FAM204A: variants seen among roughly 807,000 people sequenced by gnomAD.
FAM204A encodes family with sequence similarity 204 member A.
FAM204A carries 16 observed loss-of-function variants against 35.4 expected under a neutral mutation model. The observed-to-expected ratio is 0.45, with a 90% CI of 0.31 to 0.69. The LOEUF is 0.69. FAM204A is among the 30% of genes least tolerant of loss of function. The probability of loss-of-function intolerance (pLI) is 0.07; values close to 1 mark genes in which losing one functional copy is unlikely to be tolerated. For missense variants in FAM204A, 240 were observed against 265.7 expected, an observed-to-expected ratio of 0.90 and a Z score of 0.67; for synonymous variants, 76 against 86.9, an observed-to-expected ratio of 0.88 and a Z score of 0.70.
intron 7 of FAM204A, among the ~76,000 whole-genome samples, chr10:118,321,561 C>CAATGAGA: frequency 6.6e-6 from 1 of 151,836 alleles, no homozygotes; most frequent in East Asian, 1.9e-4. Flanking sequence ...ATAAAAAGTA[C>CAATGAGA]AATGAGAAAA....
chr10:118,340,285 C>A (rs942203548), intron 2 of FAM204A, among the ~76,000 whole-genome samples: 1 of 151,972 alleles, frequency 6.6e-6, no homozygotes, highest in Non-Finnish European at 1.5e-5. Flanking sequence ...TAATAAAAAC[C>A]GTTCTAGATT....
chr10:118,331,624 T>C (rs1453086819), intron 6 of FAM204A, among the ~76,000 whole-genome samples: 1 of 152,122 alleles, frequency 6.6e-6, no homozygotes, highest in African/African-American at 2.4e-5. Flanking sequence ...TACCACAATA[T>C]ATTTATATGA....
chr10:118,337,337 T>C, intron 2 of FAM204A: 2 of 578,404 alleles, frequency 3.5e-6, no homozygotes, highest in Non-Finnish European at 4.4e-6. Context: ...CATGATTTAC[T>C]ATCAATATGA....
At chr10:118,338,406 C>T (rs753114487) in intron 2 of FAM204A, among the ~76,000 whole-genome samples, 27 of 152,202 alleles carry the variant, frequency 1.8e-4, no homozygotes, top group Non-Finnish European at 3.7e-4. Flanking sequence ...TATGACTTGG[C>T]CACCGCCATA....
rs1845847289 is a variant in FAM204A at position 118,305,029 on chromosome 10, G to C, written c.*5828C>G. 1 of 152,136 alleles carries C rather than the reference G, an allele frequency of 6.6e-6. No individual in the cohort carries two copies. Among genetic ancestry groups the C allele is most frequent in the South Asian group, 2.1e-4 (1 of 4,832 alleles). The allele number at this position is 152,136 out of a possible 1,614,324, so 9.4% of individuals were successfully genotyped here. A position where few individuals can be genotyped will look rare whatever the true frequency, so the allele number is the denominator to read the frequency against. ...GAGAACTAATGTGTTCCACTTCCAG[G>C]CCAGGCCCGTAACTTCCCGCCAGTG... On this transcript the variant is annotated 3_prime_UTR_variant, in exon 9 of 9. Transcript: ENST00000369183.
intron 7 of FAM204A, among the ~76,000 whole-genome samples, chr10:118,314,669 T>C (rs1483884062): frequency 6.6e-6 from 1 of 152,208 alleles, no homozygotes; most frequent in Admixed American, 6.5e-5. Flanking sequence ...AAAAGCTTGG[T>C]CAATGGTTTA....
intron 6 of FAM204A, 144 bp from the exon 7 acceptor site, chr10:118,326,387 T>G: frequency 1.5e-6 from 1 of 679,510 alleles, no homozygotes; most frequent in Non-Finnish European, 2.5e-6. Context: ...GCTGCTACCA[T>G]TCCCATTAGT....
intron 6 of FAM204A, among the ~76,000 whole-genome samples, chr10:118,334,610 T>C (rs1160851369): frequency 6.6e-6 from 1 of 152,220 alleles, no homozygotes; most frequent in Non-Finnish European, 1.5e-5. Context: ...CTCAACTGCA[T>C]TGTGAATAAA....
At chr10:118,331,768 A>C (rs1473625905) in intron 6 of FAM204A, among the ~76,000 whole-genome samples, 1 of 151,678 alleles carries the variant, frequency 6.6e-6, no homozygotes, top group Non-Finnish European at 1.5e-5. Context: ...TTCATAAAGA[A>C]AGGCAGTGGA....
At chr10:118,322,357 C>A in intron 7 of FAM204A, 1 of 456,272 alleles carries the variant, frequency 2.2e-6, no homozygotes, top group Non-Finnish European at 4.4e-6. Context: ...AGAGACAGCA[C>A]GAGTCTCTGG....
Position 118,302,677 on chromosome 10 carries a change from C to T in FAM204A, c.*8180G>A, listed in dbSNP as rs1010884708. The T allele has an allele frequency of 9.9e-5, 15 of 152,176 alleles. No individual in the cohort carries two copies. The highest frequency in any genetic ancestry group is 3.6e-4 in the African/African-American group (15 of 41,452). The allele number at this position is 152,176 out of a possible 1,614,324, so 9.4% of individuals were successfully genotyped here. A position where few individuals can be genotyped will look rare whatever the true frequency, so the allele number is the denominator to read the frequency against. On this transcript the variant is annotated 3_prime_UTR_variant, in exon 9 of 9. Transcript: ENST00000369183. ...TTGAGTTCTTTGACACGGAACCTTT[C>T]TTTTCCTTTTTTGGAAAATGGAAGT...
chr10:118,336,798 T>C (rs1441391618), intron 2 of FAM204A, among the ~76,000 whole-genome samples: 1 of 152,170 alleles, frequency 6.6e-6, no homozygotes, highest in East Asian at 1.9e-4. Flanking sequence ...TTGCAAGCAA[T>C]TTAGGATTAA....
Position 118,300,480 on chromosome 10 carries a change from C to A in FAM204A, c.*10377G>T. 6.6e-6 allele frequency: 1 copy of A among 152,134 alleles called. No homozygotes were observed. Among genetic ancestry groups the A allele is most frequent in the Non-Finnish European group, 1.5e-5 (1 of 68,030 alleles). The allele number at this position is 152,134 out of a possible 1,614,324, so 9.4% of individuals were successfully genotyped here. A position where few individuals can be genotyped will look rare whatever the true frequency, so the allele number is the denominator to read the frequency against. ...ATACAGTCATGAAAATTGAATGGCCCATTAGATCATGGTGGTGTAGCCTAG... is the reference window on the plus strand; with the variant it reads ...ATACAGTCATGAAAATTGAATGGCCAATTAGATCATGGTGGTGTAGCCTAG... On this transcript the variant is annotated 3_prime_UTR_variant, in exon 9 of 9. Transcript: ENST00000369183.
chr10:118,312,730 C>A (rs1340349539), intron 7 of FAM204A, among the ~76,000 whole-genome samples: 1 of 152,114 alleles, frequency 6.6e-6, no homozygotes, highest in African/African-American at 2.4e-5. Flanking sequence ...CGGTGTGTTC[C>A]CAAAACTCAA....
At position 118,309,446 on chromosome 10, in the gene FAM204A, C is replaced by G. The variant is rs1343636473; in HGVS notation, c.*1411G>C. The G allele has an allele frequency of 6.6e-6, 1 of 151,844 alleles. No individual in the cohort carries two copies. Among genetic ancestry groups the G allele is most frequent in the Admixed American group, 6.6e-5 (1 of 15,244 alleles). 9.4% of individuals were successfully genotyped at this position (151,844 alleles called of 1,614,324 possible). A position where few individuals can be genotyped will look rare whatever the true frequency, so the allele number is the denominator to read the frequency against. On this transcript the variant is annotated 3_prime_UTR_variant, in exon 9 of 9. Transcript: ENST00000369183. ...ATGTTTCTGAATTTATATTATCAAC[C>G]CAGAGAAAGTTTATATCAGACAGGT...
Position 118,301,979 on chromosome 10 carries a change from A to G in FAM204A, c.*8878T>C, listed in dbSNP as rs1845812767. On this transcript the variant is annotated 3_prime_UTR_variant, in exon 9 of 9. Transcript: ENST00000369183. ...AAAGTTTATCACCATATGAGAGTCC[A>G]GTGGTTCTCACACTTCAACGTCCCA... 6.6e-6 allele frequency: 1 copy of G among 152,606 alleles called. No homozygotes were observed. Among genetic ancestry groups the G allele is most frequent in the Non-Finnish European group, 1.5e-5 (1 of 68,048 alleles). The allele number at this position is 152,606 out of a possible 1,614,324, so 9.5% of individuals were successfully genotyped here. A position where few individuals can be genotyped will look rare whatever the true frequency, so the allele number is the denominator to read the frequency against.
At chr10:118,312,239 G>GT (rs1427951418) in intron 7 of FAM204A, among the ~76,000 whole-genome samples, 1 of 152,190 alleles carries the variant, frequency 6.6e-6, no homozygotes, top group East Asian at 1.9e-4. Context: ...TAAAAACGAA[G>GT]TACCTCTTTG....
chr10:118,336,155 A>T, intron 3 of FAM204A, 27 bp downstream of exon 3: 1 of 1,603,948 alleles, frequency 6.2e-7, no homozygotes, highest in Non-Finnish European at 8.5e-7. Context: ...CACAGGCTGT[A>T]GCAAGAGCAT....
At chr10:118,321,360 G>A (rs1391693895) in intron 7 of FAM204A, among the ~76,000 whole-genome samples, 1 of 151,992 alleles carries the variant, frequency 6.6e-6, no homozygotes, top group East Asian at 1.9e-4. Flanking sequence ...TTCTTCACGG[G>A]TACTTAATGA....
Sources: allele counts gnomAD v4.1 joint callset (sites outside exome capture counted in the v4.1 genomes callset), GRCh38; gene constraint gnomAD v4.1.1; transcripts MANE v1.5; gene names NCBI Gene and HGNC (gene_info 2026-07-23, HGNC 2026-07-21).